The following ADGRB3 variants were observed in gnomAD, a reference collection of about 807,000 sequenced individuals.
ADGRB3 encodes the protein adhesion G protein-coupled receptor B3.
In ADGRB3, 37 loss-of-function variants were observed where a neutral mutation model predicts 193.4. That is an observed-to-expected ratio of 0.19 (90% CI 0.15 to 0.25). The LOEUF (loss-of-function observed/expected upper bound fraction) is 0.25, where lower values mean the gene tolerates loss of function less well. ADGRB3 is among the 10% of genes least tolerant of loss of function. The probability of loss-of-function intolerance (pLI) is 1.00; values close to 1 mark genes in which losing one functional copy is unlikely to be tolerated. For missense variants in ADGRB3, 1,637 were observed against 1,852.9 expected, an observed-to-expected ratio of 0.88 and a Z score of 2.14; for synonymous variants, 690 against 644.2, an observed-to-expected ratio of 1.07 and a Z score of -1.08.
At chr6:68,807,236 T>TTTTC in intron 3 of ADGRB3, among the ~76,000 whole-genome samples, 1 of 11,212 alleles carries the variant, frequency 8.9e-5, no homozygotes, top group Non-Finnish European at 1.8e-4. Context: ...TTCTTTTTTC[T>TTTTC]TTTTTTTTTT....
chr6:68,776,930 C>T (rs1183456884), intron 3 of ADGRB3, among the ~76,000 whole-genome samples: 1 of 152,062 alleles, frequency 6.6e-6, no homozygotes, highest in Admixed American at 6.6e-5. Flanking sequence ...CTTTACAGAT[C>T]TTTAATTAGG....
At chr6:69,014,394 C>G (rs1194334084) in intron 12 of ADGRB3, among the ~76,000 whole-genome samples, 2 of 150,868 alleles carry the variant, frequency 1.3e-5, no homozygotes, top group Admixed American at 6.6e-5. Flanking sequence ...TTCTGTAGAC[C>G]ATGGGAAAAA....
chr6:68,808,880 G>A (rs141153321), intron 3 of ADGRB3, among the ~76,000 whole-genome samples: 13 of 152,244 alleles, frequency 8.5e-5, no homozygotes, highest in South Asian at 8.3e-4. Context: ...GTAACACTGC[G>A]TGTTGTTAAA....
At chr6:69,065,603 A>T (rs1318095516) in intron 16 of ADGRB3, among the ~76,000 whole-genome samples, 1 of 152,120 alleles carries the variant, frequency 6.6e-6, no homozygotes, top group Non-Finnish European at 1.5e-5. Flanking sequence ...CCAGTCTTAT[A>T]AAGATATATT....
chr6:69,145,192 G>A (rs889545846), intron 17 of ADGRB3, among the ~76,000 whole-genome samples: 4 of 152,080 alleles, frequency 2.6e-5, no homozygotes, highest in Non-Finnish European at 4.4e-5. Context: ...TGCCTGCCAA[G>A]CATGTGGAGC....
intron 17 of ADGRB3, among the ~76,000 whole-genome samples, chr6:69,176,088 G>T (rs1775412283): frequency 6.6e-6 from 1 of 152,154 alleles, no homozygotes; most frequent in Non-Finnish European, 1.5e-5. Flanking sequence ...TCAACAAAGA[G>T]AGAGTTGACT....
intron 3 of ADGRB3, among the ~76,000 whole-genome samples, chr6:68,844,135 C>A (rs1311372522): frequency 6.6e-6 from 1 of 151,988 alleles, no homozygotes; most frequent in East Asian, 1.9e-4. Context: ...AATAATACCC[C>A]ACAAGTAGAG....
chr6:69,232,983 C>G (rs945887556), intron 17 of ADGRB3: 3 of 433,242 alleles, frequency 6.9e-6, no homozygotes, highest in Non-Finnish European at 8.2e-6. Context: ...GGCGGCTGCT[C>G]GTGCTGCCGC....
intron 17 of ADGRB3, among the ~76,000 whole-genome samples, chr6:69,101,264 A>G (rs559178227): frequency 9.9e-5 from 15 of 152,258 alleles, no homozygotes; most frequent in African/African-American, 3.4e-4. Flanking sequence ...GTTAACGCAT[A>G]TAGCATGTAT....
intron 3 of ADGRB3, among the ~76,000 whole-genome samples, chr6:68,844,117 A>G (rs1768224855): frequency 6.6e-6 from 1 of 152,188 alleles, no homozygotes; most frequent in Non-Finnish European, 1.5e-5. Context: ...CTGGGCAAAG[A>G]TTTCTTGAAT....
intron 3 of ADGRB3, among the ~76,000 whole-genome samples, chr6:68,845,800 T>C (rs1300834851): frequency 1.3e-5 from 2 of 152,200 alleles, no homozygotes; most frequent in African/African-American, 4.8e-5. Flanking sequence ...TTTATCAGCA[T>C]TGTGAAAATG....
chr6:69,346,850 T>C (rs1769099861), intron 26 of ADGRB3, among the ~76,000 whole-genome samples: 1 of 152,168 alleles, frequency 6.6e-6, no homozygotes, highest in Admixed American at 6.6e-5. Context: ...ATCCCATTAC[T>C]GGGGTACATA....
chr6:68,861,993 A>G (rs910513100), intron 3 of ADGRB3, among the ~76,000 whole-genome samples: 1 of 152,044 alleles, frequency 6.6e-6, no homozygotes, highest in Non-Finnish European at 1.5e-5. Flanking sequence ...TATCTATCCT[A>G]CTGTTCTTGC....
intron 20 of ADGRB3, among the ~76,000 whole-genome samples, chr6:69,255,798 A>G (rs1766753439): frequency 6.6e-6 from 1 of 152,134 alleles, no homozygotes; most frequent in African/African-American, 2.4e-5. Context: ...CCTGAATGGT[A>G]ATGCCTAGGT....
chr6:68,875,307 T>A (rs1265081458), intron 3 of ADGRB3, among the ~76,000 whole-genome samples: 1 of 135,984 alleles, frequency 7.4e-6, no homozygotes, highest in Non-Finnish European at 1.6e-5. Context: ...GAAACAAAAT[T>A]ATGAATAGAA....
intron 3 of ADGRB3, among the ~76,000 whole-genome samples, chr6:68,764,510 G>A: frequency 6.6e-6 from 1 of 152,282 alleles, no homozygotes; most frequent in East Asian, 1.9e-4. Context: ...CTCTGAAAGT[G>A]AGCATGAAGT....
chr6:68,733,129 C>T (rs1445725494), intron 3 of ADGRB3, among the ~76,000 whole-genome samples: 2 of 151,308 alleles, frequency 1.3e-5, no homozygotes, highest in African/African-American at 4.9e-5. Context: ...GTGTATCTAC[C>T]TAAAGGAAAG....
At chr6:68,831,320 A>G (rs1252782265) in intron 3 of ADGRB3, among the ~76,000 whole-genome samples, 1 of 151,482 alleles carries the variant, frequency 6.6e-6, no homozygotes, top group Non-Finnish European at 1.5e-5. Flanking sequence ...AAAAAAAAAA[A>G]AAAAAGCTGA....
intron 3 of ADGRB3, among the ~76,000 whole-genome samples, chr6:68,663,158 T>C (rs901571256): frequency 2.6e-5 from 4 of 151,348 alleles, no homozygotes; most frequent in East Asian, 1.9e-4. Flanking sequence ...TAAAGTTTCA[T>C]AAATAAATAC....
Sources: allele counts gnomAD v4.1 joint callset (sites outside exome capture counted in the v4.1 genomes callset), GRCh38; gene constraint gnomAD v4.1.1; transcripts MANE v1.5; gene names NCBI Gene and HGNC (gene_info 2026-07-23, HGNC 2026-07-21).